CECR2: variants seen among roughly 807,000 people sequenced by gnomAD.
CECR2 encodes the protein CECR2 histone acetyl-lysine reader.
A neutral mutation model predicts 154.5 loss-of-function variants in CECR2; 30 were observed. The observed-to-expected ratio is 0.19, with a 90% CI of 0.15 to 0.26. CECR2 has a LOEUF of 0.26. CECR2 is among the 10% of genes least tolerant of loss of function. The probability of loss-of-function intolerance (pLI) is 1.00; values close to 1 mark genes in which losing one functional copy is unlikely to be tolerated. For synonymous variants in CECR2, 725 were observed against 683.7 expected (o/e 1.06, Z -0.94); for missense variants, 1,743 against 1,829.3 (o/e 0.95, Z 0.86).
At chr22:17,520,585 C>T (rs1372195654) in intron 8 of CECR2, among the ~76,000 whole-genome samples, 3 of 152,142 alleles carry the variant, frequency 2.0e-5, no homozygotes, top group Non-Finnish European at 4.4e-5. Flanking sequence ...GTCCCCCACC[C>T]TCTGACAGAC....
At chr22:17,373,010 C>G (rs1050684052) in intron 1 of CECR2, among the ~76,000 whole-genome samples, 1 of 152,168 alleles carries the variant, frequency 6.6e-6, no homozygotes, top group South Asian at 2.1e-4. Context: ...AGACCTTCCA[C>G]TTAGAAAACT....
intron 1 of CECR2, among the ~76,000 whole-genome samples, chr22:17,437,316 G>C (rs1197860544): frequency 6.6e-6 from 1 of 152,068 alleles, no homozygotes; most frequent in East Asian, 1.9e-4. Flanking sequence ...TTGTCGGGAG[G>C]GGGGCCCTGG....
chr22:17,408,511 T>G (rs773701571), intron 1 of CECR2, among the ~76,000 whole-genome samples: 18 of 152,172 alleles, frequency 1.2e-4, no homozygotes, highest in Admixed American at 2.0e-4. Flanking sequence ...TGTTGTTTGC[T>G]CAGCATTTTT....
intron 7 of CECR2, among the ~76,000 whole-genome samples, chr22:17,506,461 C>G (rs899701061): frequency 1.3e-5 from 2 of 152,158 alleles, no homozygotes; most frequent in East Asian, 1.9e-4. Flanking sequence ...AAATACTACT[C>G]TCTCAAAAGC....
At chr22:17,528,018 A>G (rs1260200026) in intron 9 of CECR2, among the ~76,000 whole-genome samples, 1 of 152,222 alleles carries the variant, frequency 6.6e-6, no homozygotes, top group Non-Finnish European at 1.5e-5. Flanking sequence ...AAAACTAAAA[A>G]GAGAGCTACC....
At chr22:17,413,503 TAGC>T (rs2054097191) in intron 1 of CECR2, among the ~76,000 whole-genome samples, 1 of 152,102 alleles carries the variant, frequency 6.6e-6, no homozygotes, top group Non-Finnish European at 1.5e-5. Context: ...CTGGGGATCT[TAGC>T]AGCAGGGAAA....
intron 1 of CECR2, among the ~76,000 whole-genome samples, chr22:17,395,948 A>G (rs1314421880): frequency 6.6e-6 from 1 of 152,110 alleles, no homozygotes; most frequent in Non-Finnish European, 1.5e-5. Flanking sequence ...TTTAATTAAA[A>G]ATATTTTGAG....
chr22:17,485,352 A>G (rs2055401440), intron 2 of CECR2, among the ~76,000 whole-genome samples: 1 of 152,224 alleles, frequency 6.6e-6, no homozygotes, highest in Non-Finnish European at 1.5e-5. Flanking sequence ...TGTTAAGTAA[A>G]ACAGTTTTCC....
At chr22:17,463,549 A>C (rs2146741581) in intron 1 of CECR2, among the ~76,000 whole-genome samples, 1 of 152,274 alleles carries the variant, frequency 6.6e-6, no homozygotes, top group East Asian at 1.9e-4. Context: ...AGAGAGAAAA[A>C]GGGAAGAGTC....
intron 2 of CECR2, among the ~76,000 whole-genome samples, chr22:17,494,959 C>A (rs529292648): frequency 6.6e-6 from 1 of 152,316 alleles, no homozygotes; most frequent in Non-Finnish European, 1.5e-5. Context: ...TCCCACAGTG[C>A]TGGGATTACA....
chr22:17,398,752 C>G (rs1467486894), intron 1 of CECR2, among the ~76,000 whole-genome samples: 1 of 152,174 alleles, frequency 6.6e-6, no homozygotes, highest in Non-Finnish European at 1.5e-5. Context: ...AAATTGTGCT[C>G]AAATTAGCTG....
In CECR2 at chr22:17,554,351, C is replaced by T. The variant is rs1231619220; in HGVS notation, c.*1511C>T. On this transcript the variant is annotated 3_prime_UTR_variant, in exon 19 of 19. Coordinates refer to ENST00000262608, the MANE Select transcript of CECR2 (RefSeq NM_001290047.2). ...AGAAGAGTCTCTATGAAATATTAATCTGCCCTAGTTTCTTATAAATTCAGC... is the reference window on the plus strand; with the variant it reads ...AGAAGAGTCTCTATGAAATATTAATTTGCCCTAGTTTCTTATAAATTCAGC... 6.6e-6 allele frequency: 1 copy of T among 152,200 alleles called. No individual in the cohort carries two copies. The highest frequency in any genetic ancestry group is 1.5e-5 in the Non-Finnish European group (1 of 68,034). The allele number at this position is 152,200 out of a possible 1,614,324, so 9.4% of individuals were successfully genotyped here.
chr22:17,507,059 A>G (rs2055860686), intron 7 of CECR2, among the ~76,000 whole-genome samples: 1 of 152,248 alleles, frequency 6.6e-6, no homozygotes, highest in Non-Finnish European at 1.5e-5. Flanking sequence ...AGGACCAGAA[A>G]TATTTGACCA....
intron 1 of CECR2, among the ~76,000 whole-genome samples, chr22:17,415,522 G>A (rs1391765794): frequency 2.6e-5 from 4 of 152,160 alleles, no homozygotes; most frequent in African/African-American, 7.2e-5. Context: ...GATTACAGGC[G>A]TGAGCCACGA....
At chr22:17,455,675 G>A (rs1057018172) in intron 1 of CECR2, among the ~76,000 whole-genome samples, 1 of 152,168 alleles carries the variant, frequency 6.6e-6, no homozygotes, top group Non-Finnish European at 1.5e-5. Context: ...GTGCAGTGGC[G>A]CAATCTCGGC....
intron 9 of CECR2, among the ~76,000 whole-genome samples, chr22:17,525,315 A>AT (rs2056243640): frequency 1.4e-5 from 2 of 143,338 alleles, no homozygotes; most frequent in Admixed American, 1.4e-4. Flanking sequence ...AAAAAAAAAA[A>AT]GAAAGGAAGG....
chr22:17,507,945 T>C (rs2055876482), intron 7 of CECR2, among the ~76,000 whole-genome samples: 1 of 152,192 alleles, frequency 6.6e-6, no homozygotes, highest in Non-Finnish European at 1.5e-5. Context: ...TAAAGTTTTC[T>C]AAACCTTCAA....
At position 17,448,235 on chromosome 22, in the gene CECR2, A is replaced by G. The variant is rs181075549; in HGVS notation, c.127-29353A>G. On this transcript the variant is annotated intron_variant, in intron 1 of 18. Transcript: ENST00000262608. ...TGTGTGTACTACACATCCATGACTA[A>G]AAACTGGTTGGATATGACTACTTTC... Among the ~76,000 whole-genome samples, 617 of 152,318 alleles carry G rather than the reference A, an allele frequency of 4.1e-3. 2 individuals are homozygous for G. Among genetic ancestry groups the G allele is most frequent in the Middle Eastern group, 0.014 (4 of 294 alleles).
chr22:17,482,280 C>T (rs979281556), intron 2 of CECR2, among the ~76,000 whole-genome samples: 2 of 151,290 alleles, frequency 1.3e-5, no homozygotes, highest in Middle Eastern at 3.4e-3. Context: ...AAAAATTAGC[C>T]GGGCGTGGTG....
Sources: allele counts gnomAD v4.1 joint callset (sites outside exome capture counted in the v4.1 genomes callset), GRCh38; gene constraint gnomAD v4.1.1; transcripts MANE v1.5; gene names NCBI Gene and HGNC (gene_info 2026-07-23, HGNC 2026-07-21).